PRKCI: variants seen among roughly 807,000 people sequenced by gnomAD.
PRKCI encodes protein kinase C iota, also known as protein kinase C iota type.
In PRKCI, 43 loss-of-function variants were observed where a neutral mutation model predicts 84.0. The ratio of observed to expected loss-of-function variants is 0.51; its 90% CI spans 0.40 to 0.66. The LOEUF (loss-of-function observed/expected upper bound fraction) is 0.66, where lower values mean the gene tolerates loss of function less well. Among genes scored for constraint, PRKCI ranks in the 30% least tolerant of loss-of-function variants. PRKCI has a pLI of 0.00. For synonymous variants in PRKCI, 216 were observed against 234.4 expected (o/e 0.92, Z 0.72); for missense variants, 459 against 745.6 (o/e 0.62, Z 4.48).
intron 6 of PRKCI, among the ~76,000 whole-genome samples, chr3:170,271,964 G>T (rs1482097004): frequency 6.6e-6 from 1 of 152,180 alleles, no homozygotes; most frequent in Admixed American, 6.5e-5. Context: ...CTCCCAAGTA[G>T]CTGGGATTAC....
intron 11 of PRKCI, among the ~76,000 whole-genome samples, chr3:170,283,783 G>A (rs1210631149): frequency 6.6e-6 from 1 of 152,156 alleles, no homozygotes; most frequent in Non-Finnish European, 1.5e-5. Flanking sequence ...GGAGGTGTAT[G>A]TTACGTACCT....
intron 1 of PRKCI, among the ~76,000 whole-genome samples, chr3:170,226,027 G>A (rs1203246063): frequency 6.6e-6 from 1 of 151,606 alleles, no homozygotes; most frequent in Admixed American, 6.6e-5. Flanking sequence ...ATTCTCCTGC[G>A]GCTGCCTCCC....
In PRKCI at chr3:170,284,082, C is replaced by T. The variant is rs775361342; in HGVS notation, c.1068-379C>T. ...GGTTCTTAGCCTTCTCGGAGGATCA[C>T]GGGTCCCTTAGAGAAGTGATGAAAG... On this transcript the variant is annotated intron_variant, in intron 11 of 17. Coordinates refer to ENST00000295797, the MANE Select transcript of PRKCI (RefSeq NM_002740.6). Among the ~76,000 whole-genome samples, 7 of 152,058 alleles carry T rather than the reference C, an allele frequency of 4.6e-5. No individual in the cohort carries two copies. The East Asian group carries it at 5.8e-4, about 13-fold the overall frequency.
intron 12 of PRKCI, among the ~76,000 whole-genome samples, chr3:170,287,936 T>C (rs1248747638): frequency 1.7e-5 from 2 of 119,092 alleles, no homozygotes; most frequent in African/African-American, 3.3e-5. Flanking sequence ...AAAAAGAAAA[T>C]CACAAAAATG....
intron 8 of PRKCI, among the ~76,000 whole-genome samples, chr3:170,276,783 A>C (rs1291152844): frequency 6.6e-6 from 1 of 152,216 alleles, no homozygotes; most frequent in African/African-American, 2.4e-5. Context: ...AAAAATTGAC[A>C]AGTGGGACCT....
At chr3:170,287,062 T>C (rs556553911) in intron 12 of PRKCI, among the ~76,000 whole-genome samples, 1 of 152,068 alleles carries the variant, frequency 6.6e-6, no homozygotes, top group African/African-American at 2.4e-5. Context: ...ACATAACACA[T>C]GATGGCTCAG....
chr3:170,253,995 G>A (rs924677543), intron 2 of PRKCI, among the ~76,000 whole-genome samples: 2 of 151,208 alleles, frequency 1.3e-5, no homozygotes, highest in Admixed American at 6.6e-5. Flanking sequence ...TACTTGGGAG[G>A]CCGAGGCAGT....
intron 8 of PRKCI, among the ~76,000 whole-genome samples, chr3:170,277,218 C>T (rs1455811848): frequency 6.6e-6 from 1 of 151,580 alleles, no homozygotes; most frequent in Admixed American, 6.6e-5. Flanking sequence ...CACTGCACTC[C>T]AGCCTGGGCG....
At chr3:170,236,454 A>G (rs1732979911) in intron 2 of PRKCI, among the ~76,000 whole-genome samples, 1 of 152,190 alleles carries the variant, frequency 6.6e-6, no homozygotes, top group Admixed American at 6.5e-5. Flanking sequence ...AATTTAAGAG[A>G]TTACCTATTT....
chr3:170,250,079 C>T (rs979391353), intron 2 of PRKCI, among the ~76,000 whole-genome samples: 5 of 151,734 alleles, frequency 3.3e-5, no homozygotes, highest in African/African-American at 7.3e-5. Flanking sequence ...AGTTTGAGAC[C>T]AGCCTGGCCT....
chr3:170,264,556 GGTGT>G (rs1292633446), intron 4 of PRKCI, among the ~76,000 whole-genome samples: 1 of 152,094 alleles, frequency 6.6e-6, no homozygotes, highest in Non-Finnish European at 1.5e-5. Context: ...TGTGATTACA[GGTGT>G]GAGCCACTGC....
At chr3:170,287,685 A>C (rs1438730313) in intron 12 of PRKCI, among the ~76,000 whole-genome samples, 1 of 151,520 alleles carries the variant, frequency 6.6e-6, no homozygotes, top group Admixed American at 6.6e-5. Flanking sequence ...CCCGGCAGGC[A>C]GATCACTTGA....
At chr3:170,234,879 T>C (rs953265889) in intron 1 of PRKCI, among the ~76,000 whole-genome samples, 1 of 152,084 alleles carries the variant, frequency 6.6e-6, no homozygotes, top group Non-Finnish European at 1.5e-5. Flanking sequence ...CTCAGCTCAC[T>C]GTAACCTACA....
At chr3:170,290,858 C>G (rs966495833) in intron 12 of PRKCI, among the ~76,000 whole-genome samples, 7 of 152,060 alleles carry the variant, frequency 4.6e-5, no homozygotes, top group Non-Finnish European at 8.8e-5. Flanking sequence ...AAAATACAGG[C>G]CCGGCATGGT....
At chr3:170,260,640 A>G (rs1048072173) in intron 3 of PRKCI, among the ~76,000 whole-genome samples, 12 of 152,058 alleles carry the variant, frequency 7.9e-5, no homozygotes, top group African/African-American at 2.4e-4. Flanking sequence ...TGTAGTAGAG[A>G]CAGGGTTTCA....
Position 170,289,918 on chromosome 3 carries a change from G to GA in PRKCI, c.1204-1928dup, listed in dbSNP as rs1341689292. 7.5e-5 allele frequency among the ~76,000 whole-genome samples: 11 copies of GA among 147,224 alleles called. 1 individual carries two copies. In the South Asian group the frequency reaches 8.8e-4, roughly 12 times the overall value. On this transcript the variant is annotated intron_variant, in intron 12 of 17. Coordinates refer to ENST00000295797, the MANE Select transcript of PRKCI (RefSeq NM_002740.6). ...CGAGCGAAACTCCATCTTAAAAGAA[G>GA]AAAAAAAAGCCAGGCGTGGTTGCAT...
chr3:170,279,166 T>C (rs1212392343), intron 8 of PRKCI, among the ~76,000 whole-genome samples: 1 of 152,160 alleles, frequency 6.6e-6, no homozygotes, highest in Non-Finnish European at 1.5e-5. Flanking sequence ...TAGCTGGGAC[T>C]ACAGTGCACA....
rs1015500150 is a variant in PRKCI, at chr3:170,305,342, T to A, written c.*2215T>A. ...TCTTTATGTTTGTCCTGTGGTTAAA[T>A]ATTAGAGTATTCATGATAAAACATT... On this transcript the variant is annotated 3_prime_UTR_variant, in exon 18 of 18. Coordinates refer to ENST00000295797, the MANE Select transcript of PRKCI (RefSeq NM_002740.6). 3.3e-5 allele frequency: 5 copies of A among 152,640 alleles called. No homozygotes were observed. Among genetic ancestry groups the A allele is most frequent in the African/African-American group, 1.2e-4 (5 of 41,472 alleles). 9.5% of individuals were successfully genotyped at this position (152,640 alleles called of 1,614,324 possible). A position where few individuals can be genotyped will look rare whatever the true frequency, so the allele number is the denominator to read the frequency against.
intron 5 of PRKCI, among the ~76,000 whole-genome samples, chr3:170,269,827 G>A (rs186589963): frequency 1.4e-4 from 22 of 151,970 alleles, no homozygotes; most frequent in Middle Eastern, 3.4e-3. Flanking sequence ...GTATGGTGGC[G>A]CATACCTGTA....
Sources: allele counts gnomAD v4.1 joint callset (sites outside exome capture counted in the v4.1 genomes callset), GRCh38; gene constraint gnomAD v4.1.1; transcripts MANE v1.5; gene names NCBI Gene and HGNC (gene_info 2026-07-23, HGNC 2026-07-21).